The following RGS6 variants were observed in gnomAD, a reference collection of about 807,000 sequenced individuals.
RGS6 encodes regulator of G protein signaling 6.
A neutral mutation model predicts 78.5 loss-of-function variants in RGS6; 30 were observed. The ratio of observed to expected loss-of-function variants is 0.38; its 90% CI spans 0.29 to 0.52. The LOEUF is 0.52. RGS6 is among the 20% of genes least tolerant of loss of function. The pLI is 0.85. For missense variants in RGS6, 495 were observed against 609.7 expected, an observed-to-expected ratio of 0.81 and a Z score of 1.98; for synonymous variants, 206 against 206.0, an observed-to-expected ratio of 1.00 and a Z score of 0.00.
chr14:72,048,486 T>C (rs1475441220), intron 2 of RGS6, among the ~76,000 whole-genome samples: 2 of 152,202 alleles, frequency 1.3e-5, no homozygotes, highest in African/African-American at 2.4e-5. Flanking sequence ...CATGAGGCAG[T>C]ATGAAATGAA....
At chr14:72,401,427 A>T (rs1052121247) in intron 3 of RGS6, among the ~76,000 whole-genome samples, 1 of 151,938 alleles carries the variant, frequency 6.6e-6, no homozygotes, top group Non-Finnish European at 1.5e-5. Context: ...ACACTCCGTC[A>T]TTTGTGAGGG....
chr14:72,423,829 C>A (rs11622029), intron 3 of RGS6, among the ~76,000 whole-genome samples: 6,188 of 151,884 alleles, frequency 0.041, 199 homozygotes, highest in Admixed American at 0.062. Context: ...AAATAAAAGT[C>A]AAAACAAAAT....
At chr14:71,990,961 G>T (rs1160126435) in intron 2 of RGS6, 2 of 417,224 alleles carry the variant, frequency 4.8e-6, no homozygotes, top group Non-Finnish European at 9.6e-6. Flanking sequence ...TCTTTGACAG[G>T]CCTAATCACT....
At chr14:72,023,728 G>A (rs2089235875) in intron 2 of RGS6, among the ~76,000 whole-genome samples, 1 of 152,168 alleles carries the variant, frequency 6.6e-6, no homozygotes, top group Non-Finnish European at 1.5e-5. Context: ...CTTCCTCAGG[G>A]GAAAATTGAA....
chr14:72,530,227 C>A (rs2097165700), intron 15 of RGS6, among the ~76,000 whole-genome samples: 1 of 152,160 alleles, frequency 6.6e-6, no homozygotes, highest in Non-Finnish European at 1.5e-5. Context: ...AAGCAGGGAA[C>A]TGTTGCTTTG....
At chr14:71,886,078 G>A in the RGS6 span, among the ~76,000 whole-genome samples, 11 of 151,752 alleles carry the variant, frequency 7.2e-5, no homozygotes, top group Non-Finnish European at 1.3e-4. Context: ...TCTGAATAAG[G>A]GAAATTGATC....
chr14:72,315,458 A>T (rs555352970), intron 2 of RGS6, among the ~76,000 whole-genome samples: 1 of 152,368 alleles, frequency 6.6e-6, no homozygotes, highest in East Asian at 1.9e-4. Context: ...CATTGAATAA[A>T]TCATGAAATC....
At chr14:72,254,968 G>T (rs775206607) in intron 2 of RGS6, among the ~76,000 whole-genome samples, 10 of 152,190 alleles carry the variant, frequency 6.6e-5, no homozygotes, top group African/African-American at 9.7e-5. Context: ...GTATGGTGAG[G>T]CCAGATGTGG....
At chr14:72,413,376 G>A (rs2093572463) in intron 3 of RGS6, among the ~76,000 whole-genome samples, 1 of 152,124 alleles carries the variant, frequency 6.6e-6, no homozygotes. Context: ...TTTTATCAGA[G>A]ACTAGGATTG....
At chr14:71,899,304 G>A in the RGS6 span, among the ~76,000 whole-genome samples, 1 of 152,136 alleles carries the variant, frequency 6.6e-6, no homozygotes. Flanking sequence ...TTCTTCATTA[G>A]AGCTACTTTC....
chr14:71,867,439 A>G, the RGS6 span, among the ~76,000 whole-genome samples: 2 of 55,362 alleles, frequency 3.6e-5, no homozygotes, highest in Non-Finnish European at 7.3e-5. Flanking sequence ...CTCCCATCCC[A>G]TCATCTCACA....
chr14:72,301,996 T>C (rs1170248184), intron 2 of RGS6, among the ~76,000 whole-genome samples: 1 of 152,168 alleles, frequency 6.6e-6, no homozygotes, highest in East Asian at 1.9e-4. Flanking sequence ...GAAAATAATT[T>C]CTACATATTT....
intron 2 of RGS6, among the ~76,000 whole-genome samples, chr14:72,010,940 C>T (rs573191187): frequency 6.6e-6 from 1 of 152,344 alleles, no homozygotes; most frequent in African/African-American, 2.4e-5. Context: ...CCCTTTTCTG[C>T]TTACAAAGCC....
chr14:72,476,511 G>T (rs1320848315), intron 10 of RGS6, among the ~76,000 whole-genome samples: 1 of 152,198 alleles, frequency 6.6e-6, no homozygotes, highest in Non-Finnish European at 1.5e-5. Flanking sequence ...ATACAAGGAG[G>T]CTATTTTCAG....
the RGS6 span, among the ~76,000 whole-genome samples, chr14:71,875,084 G>A: frequency 1.3e-5 from 2 of 152,126 alleles, no homozygotes; most frequent in Non-Finnish European, 2.9e-5. Context: ...TGTTCATCAG[G>A]GATATTGGTC....
intron 14 of RGS6, among the ~76,000 whole-genome samples, chr14:72,517,219 C>A (rs1231945783): frequency 6.6e-6 from 1 of 152,008 alleles, no homozygotes; most frequent in Non-Finnish European, 1.5e-5. Context: ...CACTTTCCAC[C>A]ACGTCATGTT....
chr14:72,331,401 C>G (rs2075003213), intron 2 of RGS6, among the ~76,000 whole-genome samples: 1 of 152,086 alleles, frequency 6.6e-6, no homozygotes, highest in African/African-American at 2.4e-5. Context: ...GGTTAATGTC[C>G]CCTGCTTTAC....
chr14:72,589,784 TATA>T, the RGS6 span, among the ~76,000 whole-genome samples: 6 of 152,332 alleles, frequency 3.9e-5, no homozygotes, highest in Admixed American at 3.3e-4. Flanking sequence ...ATCTATATGC[TATA>T]ATGTTAACAA....
chr14:72,076,174 G>A (rs867426197), intron 2 of RGS6, among the ~76,000 whole-genome samples: 7 of 152,122 alleles, frequency 4.6e-5, no homozygotes, highest in African/African-American at 1.4e-4. Context: ...CCAGAGCAGC[G>A]TGCGCCCTCC....
Sources: gnomAD v4.1 joint callset for allele counts (sites outside exome capture counted in the v4.1 genomes callset) on GRCh38, gnomAD v4.1.1 for gene constraint, MANE v1.5 for transcripts, NCBI Gene and HGNC (gene_info 2026-07-23, HGNC 2026-07-21) for gene names.